The following CFAP92 variants were observed in gnomAD, a reference collection of about 807,000 sequenced individuals.
CFAP92 encodes uncharacterized protein CFAP92.
In CFAP92, 86 loss-of-function variants were observed where a neutral mutation model predicts 106.3. That is an observed-to-expected ratio of 0.81 (90% confidence interval 0.68 to 0.97). The LOEUF is 0.97. Ranked by LOEUF, CFAP92 falls within the 50% of genes least tolerant of loss-of-function variation. The pLI, the probability that CFAP92 is intolerant of heterozygous loss-of-function variation, is 0.00. For missense variants in CFAP92, 1,204 were observed against 1,283.8 expected (o/e 0.94, Z 0.95); for synonymous variants, 477 against 506.4 (o/e 0.94, Z 0.78).
rs568319272 is a variant in CFAP92, at chr3:128,948,502, G to A, written c.1354-2527C>T. Among the ~76,000 whole-genome samples the A allele has an allele frequency of 5.5e-5, 8 of 146,066 alleles. No individual in the cohort carries two copies. In the South Asian group the frequency reaches 1.3e-3, roughly 24 times the overall value. ...GCCTCCCAAATTGCCAGGATAACAG[G>A]CGTGAGCCACCGTGCCCATCCCGGA... On this transcript the variant is annotated intron_variant, in intron 9 of 15. Transcript: ENST00000645291.
chr3:128,976,837 C>A, intron 6 of CFAP92, 142 bp downstream of exon 6: 3 of 666,468 alleles, frequency 4.5e-6, no homozygotes, highest in East Asian at 5.5e-5. Flanking sequence ...CACAAGCTAC[C>A]CCTTCCCTGT....
At chr3:128,956,184 T>TAAAAAAAAA (rs369899266) in intron 9 of CFAP92, among the ~76,000 whole-genome samples, 2 of 49,282 alleles carry the variant, frequency 4.1e-5, no homozygotes, top group African/African-American at 9.9e-5. Context: ...AAAAATAAAT[T>TAAAAAAAAA]AAAAAAAAAA....
chr3:128,922,966 G>T (rs992493896), intron 12 of CFAP92, among the ~76,000 whole-genome samples: 8 of 152,218 alleles, frequency 5.3e-5, no homozygotes, highest in African/African-American at 1.9e-4. Context: ...GTTAGAAGGG[G>T]CCTGCTTCTC....
In CFAP92 at chr3:128,956,994, A is replaced by AAAGG. The variant is rs1553751693; in HGVS notation, c.1353+8516_1353+8517insCCTT. On this transcript the variant is annotated intron_variant, in intron 9 of 15. Coordinates refer to ENST00000645291, the MANE Select transcript of CFAP92 (RefSeq NM_001394090.1). The stretch of plus-strand genomic sequence containing the variant: ...GACTCTCTCAAAAAAAAAAAAAAAA[A>AAAGG]AAAGAAATCAACCCCATTCTATACC... 7.7e-3 allele frequency among the ~76,000 whole-genome samples: 994 copies of AAAGG among 129,054 alleles called. 25 individuals carry two copies. Among genetic ancestry groups the AAAGG allele is most frequent in the African/African-American group, 0.025 (882 of 35,944 alleles). The allele number at this position is 129,054 out of a possible 152,430, so 84.7% of individuals were successfully genotyped here. A position where few individuals can be genotyped will look rare whatever the true frequency, so the allele number is the denominator to read the frequency against.
intron 12 of CFAP92, among the ~76,000 whole-genome samples, chr3:128,927,650 G>A (rs541303416): frequency 5.3e-5 from 8 of 151,786 alleles, no homozygotes; most frequent in African/African-American, 1.7e-4. Context: ...CGTGAACCCA[G>A]GAGGCGGAGC....
At chr3:128,978,361 T>C (rs76694768) in intron 4 of CFAP92, 176 bp from the exon 5 acceptor site, 13,824 of 609,930 alleles carry the variant, frequency 0.023, 637 homozygotes, top group African/African-American at 0.11. Context: ...ATTATGTTTA[T>C]ATCATACTGT....
intron 12 of CFAP92, among the ~76,000 whole-genome samples, chr3:128,919,546 A>G (rs1210175453): frequency 6.6e-6 from 1 of 152,200 alleles, no homozygotes; most frequent in Non-Finnish European, 1.5e-5. Context: ...ACAAGAAGAA[A>G]TAGACATCTA....
chr3:128,992,056 A>C (rs1192284379), intron 2 of CFAP92, among the ~76,000 whole-genome samples: 1 of 152,150 alleles, frequency 6.6e-6, no homozygotes, highest in African/African-American at 2.4e-5. Context: ...AGGATAGCCC[A>C]CTGGTCCAGG....
intron 9 of CFAP92, among the ~76,000 whole-genome samples, chr3:128,957,006 C>T (rs1044447392): frequency 8.8e-6 from 1 of 113,024 alleles, no homozygotes; most frequent in Non-Finnish European, 1.8e-5. Flanking sequence ...AAGAAATCAA[C>T]CCCATTCTAT....
chr3:128,946,253 G>T (rs1384018640), intron 9 of CFAP92, among the ~76,000 whole-genome samples: 1 of 151,940 alleles, frequency 6.6e-6, no homozygotes, highest in Non-Finnish European at 1.5e-5. Flanking sequence ...GTGCCATGAA[G>T]ATAGGCCATG....
At chr3:129,008,840 G>C in the CFAP92 span, among the ~76,000 whole-genome samples, 10 of 152,258 alleles carry the variant, frequency 6.6e-5, no homozygotes, top group South Asian at 1.7e-3. Flanking sequence ...AGAGGCTCCT[G>C]GTCCCCTCGC....
chr3:128,998,001 G>A (rs1287581545), upstream of CFAP92, among the ~76,000 whole-genome samples: 1 of 152,160 alleles, frequency 6.6e-6, no homozygotes, highest in Non-Finnish European at 1.5e-5. Flanking sequence ...ATTCTCATGA[G>A]TATAATATAG....
chr3:128,922,416 T>C (rs1222982697), intron 12 of CFAP92, among the ~76,000 whole-genome samples: 1 of 152,150 alleles, frequency 6.6e-6, no homozygotes, highest in East Asian at 1.9e-4. Flanking sequence ...AAGAATTGCT[T>C]AGTTATTGCT....
chr3:128,996,103 A>G (rs944898632), upstream of CFAP92, among the ~76,000 whole-genome samples: 4 of 152,180 alleles, frequency 2.6e-5, no homozygotes, highest in Non-Finnish European at 5.9e-5. Flanking sequence ...GAATCCAGCT[A>G]GCATGTTGTG....
intron 9 of CFAP92, among the ~76,000 whole-genome samples, chr3:128,946,776 G>A (rs1049456299): frequency 2.0e-5 from 3 of 152,180 alleles, no homozygotes; most frequent in East Asian, 3.9e-4. Context: ...TTGAACACGA[G>A]ATCATGGTAA....
At chr3:128,992,941 G>T in intron 2 of CFAP92, 102 bp downstream of exon 2, 3 of 1,391,494 alleles carry the variant, frequency 2.2e-6, no homozygotes, top group Non-Finnish European at 2.0e-6. Flanking sequence ...TTGGGGTGGG[G>T]CAGGTGGAGA....
Position 128,973,912 on chromosome 3 carries a change from T to C in CFAP92, c.1021+1867A>G, listed in dbSNP as rs78168871. On this transcript the variant is annotated intron_variant, in intron 7 of 15. Coordinates refer to ENST00000645291, the MANE Select transcript of CFAP92 (RefSeq NM_001394090.1). ...ACATGGCAAAATGCTAACACCTAAA[T>C]TGTGAATATGTAGTTGTTGCATTTT... is the stretch of plus-strand genomic sequence containing the variant. 3.5e-3 allele frequency among the ~76,000 whole-genome samples: 527 copies of C among 152,310 alleles called. 4 individuals are homozygous for C. Among genetic ancestry groups the C allele is most frequent in the African/African-American group, 0.012 (514 of 41,570 alleles).
chr3:128,926,927 C>T (rs1937712987), intron 12 of CFAP92, among the ~76,000 whole-genome samples: 1 of 151,972 alleles, frequency 6.6e-6, no homozygotes, highest in Admixed American at 6.6e-5. Flanking sequence ...AACCCTGTCT[C>T]TACTAAAAAT....
Position 128,960,985 on chromosome 3 carries a change from G to T in CFAP92, c.1353+4526C>A, listed in dbSNP as rs938659684. On this transcript the variant is annotated intron_variant, in intron 9 of 15. Coordinates refer to ENST00000645291, the MANE Select transcript of CFAP92 (RefSeq NM_001394090.1). ...TCTCTGGGTTTGCTTCCTTCACTATGGGCAACCTTCCACCCTCCATTCCTC... is the reference window on the plus strand; with the variant it reads ...TCTCTGGGTTTGCTTCCTTCACTATTGGCAACCTTCCACCCTCCATTCCTC... Among the ~76,000 whole-genome samples, 8 of 152,240 alleles carry T rather than the reference G, an allele frequency of 5.3e-5. No homozygotes were observed. The South Asian group carries it at 1.7e-3, about 32-fold the overall frequency.
Sources: gnomAD v4.1 joint callset for allele counts (sites outside exome capture counted in the v4.1 genomes callset) on GRCh38, gnomAD v4.1.1 for gene constraint, MANE v1.5 for transcripts, NCBI Gene and HGNC (gene_info 2026-07-23, HGNC 2026-07-21) for gene names.